Variants in LRRC37A2 observed in about 807,000 individuals in gnomAD.
LRRC37A2 encodes the protein leucine-rich repeat-containing protein 37A2.
A neutral mutation model predicts 68.8 loss-of-function variants in LRRC37A2; 9 were observed. The ratio of observed to expected loss-of-function variants is 0.13; its 90% CI spans 0.08 to 0.23. The LOEUF is 0.23. Ranked by LOEUF, LRRC37A2 falls within the 10% of genes least tolerant of loss-of-function variation. The pLI is 1.00. For synonymous variants in LRRC37A2, 63 were observed against 367.6 expected (o/e 0.17, Z 9.48); for missense variants, 168 against 950.4 (o/e 0.18, Z 10.82).
chr17:46,938,772 T>C, the LRRC37A2 span: 1 of 1,613,632 alleles, frequency 6.2e-7, no homozygotes, highest in Non-Finnish European at 8.5e-7. Context: ...CCAGCCACGC[T>C]CAGTGGCTGA....
the LRRC37A2 span, chr17:46,884,895 C>T: frequency 3.0e-6 from 1 of 329,826 alleles, no homozygotes; most frequent in South Asian, 2.2e-5. Flanking sequence ...TGCTTCCTGA[C>T]TTGGTTCAAA....
At chr17:46,805,819 A>C in the LRRC37A2 span, among the ~76,000 whole-genome samples, 5 of 152,302 alleles carry the variant, frequency 3.3e-5, no homozygotes, top group African/African-American at 9.6e-5. Flanking sequence ...GCCTGGATTA[A>C]GGAAAGACTG....
At chr17:46,939,616 A>C in the LRRC37A2 span, 1 of 985,560 alleles carries the variant, frequency 1.0e-6, no homozygotes, top group Non-Finnish European at 1.2e-6. Flanking sequence ...CTCTAGTTTT[A>C]GTATCTCTAA....
At chr17:46,882,889 C>T in the LRRC37A2 span, among the ~76,000 whole-genome samples, 1 of 152,268 alleles carries the variant, frequency 6.6e-6, no homozygotes, top group Non-Finnish European at 1.5e-5. Context: ...ATAGGTGGCT[C>T]TGTGCAGGCT....
chr17:46,978,922 G>A, the LRRC37A2 span: 9 of 1,464,092 alleles, frequency 6.1e-6, no homozygotes, highest in Admixed American at 2.7e-5. Context: ...CAGCCCGTGG[G>A]TGCGGTTTCC....
chr17:46,750,541 T>C, the LRRC37A2 span, among the ~76,000 whole-genome samples: 1 of 152,194 alleles, frequency 6.6e-6, no homozygotes, highest in South Asian at 2.1e-4. Context: ...TTTCAGACTT[T>C]TGGATTAGGG....
chr17:46,379,866 GTTTTTTTT>G, the LRRC37A2 span, among the ~76,000 whole-genome samples: 1 of 47,810 alleles, frequency 2.1e-5, no homozygotes, highest in African/African-American at 8.0e-5. Flanking sequence ...TTGCAATACT[GTTTTTTTT>G]TTTTTTTTTT....
chr17:46,734,168 G>A, the LRRC37A2 span, among the ~76,000 whole-genome samples: 1 of 152,140 alleles, frequency 6.6e-6, no homozygotes, highest in Non-Finnish European at 1.5e-5. Context: ...TAGGCTTTGG[G>A]TTGCTTTAGT....
chr17:46,800,814 A>C, the LRRC37A2 span, among the ~76,000 whole-genome samples: 2 of 152,198 alleles, frequency 1.3e-5, no homozygotes, highest in African/African-American at 4.8e-5. Context: ...TCCATGAAAT[A>C]GATGTGCTCA....
chr17:46,875,321 C>A, the LRRC37A2 span: 100 of 1,613,160 alleles, frequency 6.2e-5, 1 homozygote, highest in Non-Finnish European at 7.1e-5. Context: ...GAAACAAGGA[C>A]CTGCGGGCAC....
At chr17:46,954,393 A>G in the LRRC37A2 span, among the ~76,000 whole-genome samples, 38 of 152,284 alleles carry the variant, frequency 2.5e-4, no homozygotes, top group Middle Eastern at 3.4e-3. Flanking sequence ...CCATTGGTCT[A>G]TATCTCTGTG....
chr17:46,962,551 A>G, the LRRC37A2 span, among the ~76,000 whole-genome samples: 1 of 152,222 alleles, frequency 6.6e-6, no homozygotes, highest in African/African-American at 2.4e-5. Context: ...TTTGGGAAGA[A>G]AGCTGCCATA....
the LRRC37A2 span, among the ~76,000 whole-genome samples, chr17:46,915,624 G>A: frequency 6.6e-6 from 1 of 152,186 alleles, no homozygotes. Flanking sequence ...AGATTCTCAG[G>A]GGACCCCACA....
chr17:46,978,656 C>T, the LRRC37A2 span: 4 of 1,606,044 alleles, frequency 2.5e-6, no homozygotes, highest in Middle Eastern at 1.7e-4. Context: ...CAGTACAGCC[C>T]CAGGATGGCT....
At chr17:46,794,752 CTT>C in the LRRC37A2 span, among the ~76,000 whole-genome samples, 1,446 of 129,250 alleles carry the variant, frequency 0.011, 17 homozygotes, top group East Asian at 0.036. Flanking sequence ...CTTTCTTTTT[CTT>C]TTTTTTTTTT....
At chr17:46,871,289 G>A in the LRRC37A2 span, among the ~76,000 whole-genome samples, 6 of 152,230 alleles carry the variant, frequency 3.9e-5, no homozygotes, top group African/African-American at 1.4e-4. Context: ...CTGGAATGAT[G>A]TATATTCCAC....
the LRRC37A2 span, among the ~76,000 whole-genome samples, chr17:46,849,806 G>A: frequency 2.6e-5 from 4 of 151,450 alleles, no homozygotes; most frequent in African/African-American, 9.7e-5. Flanking sequence ...CAGGTATAAC[G>A]ATCACTGATA....
chr17:46,893,185 C>T, the LRRC37A2 span, among the ~76,000 whole-genome samples: 5 of 152,284 alleles, frequency 3.3e-5, no homozygotes, highest in African/African-American at 9.6e-5. Context: ...CCACCTGCCT[C>T]GGCCTCCCAA....
the LRRC37A2 span, among the ~76,000 whole-genome samples, chr17:46,657,301 T>G: frequency 5.5e-5 from 8 of 144,672 alleles, no homozygotes; most frequent in South Asian, 2.4e-4. Flanking sequence ...AGTCAAATGT[T>G]AAGGAGATCA....
Sources: allele counts gnomAD v4.1 joint callset (sites outside exome capture counted in the v4.1 genomes callset), GRCh38; gene constraint gnomAD v4.1.1; transcripts MANE v1.5; gene names NCBI Gene and HGNC (gene_info 2026-07-23, HGNC 2026-07-21).